The following DNAH7 variants were observed in gnomAD, a reference collection of about 807,000 sequenced individuals.
The protein encoded by DNAH7 is dynein axonemal heavy chain 7.
Under a neutral mutation model 444.6 loss-of-function variants are expected in DNAH7, and 397 were observed. The ratio of observed to expected loss-of-function variants is 0.89; its 90% CI spans 0.82 to 0.97. DNAH7 has a LOEUF of 0.97. Among genes scored for constraint, DNAH7 ranks in the 50% least tolerant of loss-of-function variants. DNAH7 has a pLI of 0.00. For synonymous variants in DNAH7, 1,636 were observed against 1,624.4 expected (o/e 1.01, Z -0.17); for missense variants, 4,902 against 4,800.8 (o/e 1.02, Z -0.62).
chr2:195,890,398 A>C (rs535499232), intron 31 of DNAH7, among the ~76,000 whole-genome samples: 1 of 152,340 alleles, frequency 6.6e-6, no homozygotes, highest in African/African-American at 2.4e-5. Flanking sequence ...TCTACTACTT[A>C]TGAGCTGTGG....
At chr2:195,791,093 G>C (rs1371118451) in intron 57 of DNAH7, among the ~76,000 whole-genome samples, 1 of 151,998 alleles carries the variant, frequency 6.6e-6, no homozygotes, top group African/African-American at 2.4e-5. Flanking sequence ...CAAAAAAAGT[G>C]CTCCACATCA....
intron 62 of DNAH7, among the ~76,000 whole-genome samples, chr2:195,755,498 A>G (rs1382539708): frequency 6.6e-6 from 1 of 152,240 alleles, no homozygotes; most frequent in Non-Finnish European, 1.5e-5. Flanking sequence ...TTTATCCTTC[A>G]AAAACAATCT....
At chr2:195,989,349 T>C (rs1048605929) in intron 12 of DNAH7, among the ~76,000 whole-genome samples, 3 of 152,128 alleles carry the variant, frequency 2.0e-5, no homozygotes, top group African/African-American at 7.2e-5. Flanking sequence ...TGTCAACACA[T>C]CATCTTTTGT....
chr2:195,842,358 C>T (rs1293369258), intron 47 of DNAH7, among the ~76,000 whole-genome samples: 1 of 152,050 alleles, frequency 6.6e-6, no homozygotes, highest in African/African-American at 2.4e-5. Flanking sequence ...TCTCCTCACT[C>T]AGCTAAGATA....
Position 195,886,100 on chromosome 2 carries a change from C to G in DNAH7, c.5538+41G>C, listed in dbSNP as rs374971290. On this transcript the variant is annotated intron_variant, in intron 34 of 64. Transcript: ENST00000312428. ...AAGCTTTGGGGAAAGCAGTAGATACCTGTCTTTCTGTAGCAGGATACAGAA... is the reference window on the plus strand; with the variant it reads ...AAGCTTTGGGGAAAGCAGTAGATACGTGTCTTTCTGTAGCAGGATACAGAA... The G allele has an allele frequency of 1.9e-6, 3 of 1,584,406 alleles. No individual in the cohort carries two copies. The African/African-American group carries it at 4.1e-5, about 22-fold the overall frequency.
chr2:195,932,796 T>C (rs898510340), intron 21 of DNAH7, among the ~76,000 whole-genome samples: 1 of 152,182 alleles, frequency 6.6e-6, no homozygotes, highest in Non-Finnish European at 1.5e-5. Flanking sequence ...ATAAGCTTTT[T>C]GATGTGCTGC....
At chr2:195,869,423 T>C (rs1044959175) in intron 40 of DNAH7, among the ~76,000 whole-genome samples, 2 of 151,854 alleles carry the variant, frequency 1.3e-5, no homozygotes, top group East Asian at 1.9e-4. Context: ...AAATCTCTGC[T>C]CTCATGGGGC....
rs375295758 is a variant in DNAH7 at position 195,886,254 on chromosome 2, C to T, written c.5425G>A (p.Asp1809Asn). 10 of 1,610,898 alleles carry T rather than the reference C, an allele frequency of 6.2e-6. No individual in the cohort carries two copies. In the Admixed American group the frequency reaches 1.0e-4, roughly 16 times the overall value. ...KHTKELSPTSDTNLVRSLMNL... is the reference protein window; with the variant it reads ...KHTKELSPTSNTNLVRSLMNL... Reference sequence around the variant, plus strand: ...ATTAAGGACCGGACCAAGTTTGTATCGGAAGTAGGAGATAATTCCTGAAAA... The same window carrying T: ...ATTAAGGACCGGACCAAGTTTGTATTGGAAGTAGGAGATAATTCCTGAAAA... The change falls in exon 34 of 65, where the codon GAT (aspartate) becomes AAT (asparagine). Residue 1809 changes from aspartate to asparagine, a missense_variant. Coordinates refer to ENST00000312428, the MANE Select transcript of DNAH7 (RefSeq NM_018897.3).
intron 47 of DNAH7, 137 bp from the exon 48 acceptor site, chr2:195,834,497 A>G (rs1698234235): frequency 3.1e-6 from 3 of 962,874 alleles, no homozygotes; most frequent in African/African-American, 3.2e-5. Flanking sequence ...ATGAGAAACT[A>G]TGTTCTTAAA....
chr2:195,803,993 G>T (rs566551672), intron 54 of DNAH7, among the ~76,000 whole-genome samples: 7 of 152,058 alleles, frequency 4.6e-5, no homozygotes, highest in African/African-American at 1.7e-4. Context: ...AAACTGGAGC[G>T]TTAGAGGGCC....
chr2:195,960,050 G>T (rs1251935924), intron 18 of DNAH7, among the ~76,000 whole-genome samples: 1 of 152,262 alleles, frequency 6.6e-6, no homozygotes, highest in East Asian at 1.9e-4. Flanking sequence ...CAATAGCAAT[G>T]AAGCCATTGA....
In DNAH7 at chr2:195,891,733, G is replaced by A. The variant is rs201006443; in HGVS notation, c.4968C>T (p.Tyr1656=). 137 of 1,609,030 alleles carry A rather than the reference G, an allele frequency of 8.5e-5. No homozygotes were observed. The highest frequency in any genetic ancestry group is 1.7e-4 in the South Asian group (15 of 89,600). The change falls in exon 31 of 65, where the codon TAC becomes TAT. Residue 1656 remains tyrosine, a synonymous_variant. Transcript: ENST00000312428. ...NPKSVTMGQL[Y]GQFDSVSHEW... is the part of the protein sequence containing the mutation. ...CATGGGACACTGAATCAAACTGTCCGTACAGTTGGCCCATGGTGACAGACT... is the reference window on the plus strand; with the variant it reads ...CATGGGACACTGAATCAAACTGTCCATACAGTTGGCCCATGGTGACAGACT...
At chr2:195,762,965 CAA>C in intron 61 of DNAH7, among the ~76,000 whole-genome samples, 1 of 151,980 alleles carries the variant, frequency 6.6e-6, no homozygotes, top group South Asian at 2.1e-4. Context: ...TGTTAGGCCA[CAA>C]AAAAAGTTTC....
At chr2:195,763,358 A>G (rs1167396318) in intron 61 of DNAH7, among the ~76,000 whole-genome samples, 1 of 152,034 alleles carries the variant, frequency 6.6e-6, no homozygotes, top group Non-Finnish European at 1.5e-5. Flanking sequence ...CCAAACCCAA[A>G]ATTAATATAA....
chr2:195,884,406 T>C (rs1219640969), intron 35 of DNAH7, among the ~76,000 whole-genome samples, 179 bp downstream of exon 35: 1 of 152,196 alleles, frequency 6.6e-6, no homozygotes, highest in East Asian at 1.9e-4. Context: ...AGAAAGTGAC[T>C]TTACTAGGAC....
intron 24 of DNAH7, among the ~76,000 whole-genome samples, chr2:195,913,493 A>C (rs1372428193): frequency 6.6e-6 from 1 of 152,234 alleles, no homozygotes; most frequent in Non-Finnish European, 1.5e-5. Context: ...AGCAAAACAA[A>C]ATAAAATGTT....
intron 15 of DNAH7, among the ~76,000 whole-genome samples, chr2:195,976,597 G>C (rs1692196832): frequency 6.6e-6 from 1 of 152,096 alleles, no homozygotes; most frequent in African/African-American, 2.4e-5. Context: ...GCAAGTAAGA[G>C]GTTACCATGG....
At chr2:196,045,534 T>A (rs74264927) in intron 5 of DNAH7, among the ~76,000 whole-genome samples, 5,692 of 151,482 alleles carry the variant, frequency 0.038, 243 homozygotes, top group African/African-American at 0.1. Flanking sequence ...TTAAAAAAAA[T>A]ACAGAGAGAG....
intron 40 of DNAH7, among the ~76,000 whole-genome samples, chr2:195,867,567 T>C (rs1048274881): frequency 6.6e-6 from 1 of 152,154 alleles, no homozygotes; most frequent in South Asian, 2.1e-4. Context: ...GAAAGAAACC[T>C]GGTACCCAAT....
Sources: allele counts gnomAD v4.1 joint callset (sites outside exome capture counted in the v4.1 genomes callset), GRCh38; gene constraint gnomAD v4.1.1; transcripts MANE v1.5; gene names NCBI Gene and HGNC (gene_info 2026-07-23, HGNC 2026-07-21).